ERC2: variants seen among roughly 807,000 people sequenced by gnomAD.
ERC2 encodes ERC protein 2.
ERC2 carries 42 observed loss-of-function variants against 114.8 expected under a neutral mutation model. That is an observed-to-expected ratio of 0.37 (90% confidence interval 0.29 to 0.47). The LOEUF (loss-of-function observed/expected upper bound fraction) is 0.47. Among genes scored for constraint, ERC2 ranks in the 20% least tolerant of loss-of-function variants. ERC2 has a pLI of 0.99. For synonymous variants in ERC2, 454 were observed against 425.5 expected, an observed-to-expected ratio of 1.07 and a Z score of -0.82; for missense variants, 939 against 1,150.7, an observed-to-expected ratio of 0.82 and a Z score of 2.66.
chr3:56,195,492 C>CGT lies in ERC2; in HGVS notation c.1075-21974_1075-21973dup, dbSNP rs1280567714. On this transcript the variant is annotated intron_variant, in intron 3 of 17. Coordinates refer to ENST00000288221, the MANE Select transcript of ERC2 (RefSeq NM_015576.3). Reference sequence around the variant, plus strand: ...ATGTTTAGGGATGTGTTTGTGTGTGCGTGTGTGCGTGTGTGTGTGTGTGTG... The same window carrying CGT: ...ATGTTTAGGGATGTGTTTGTGTGTGCGTGTGTGTGCGTGTGTGTGTGTGTGTG... Among the ~76,000 whole-genome samples the CGT allele has an allele frequency of 1.7e-3, 102 of 60,616 alleles. 1 individual carries two copies. In the Admixed American group the frequency reaches 0.023, roughly 14 times the overall value. The allele number at this position is 60,616 out of a possible 152,430, so 39.8% of individuals were successfully genotyped here. A position where few individuals can be genotyped will look rare whatever the true frequency, so the allele number is the denominator to read the frequency against.
intron 6 of ERC2, among the ~76,000 whole-genome samples, chr3:56,092,351 T>A (rs1302393893): frequency 6.6e-6 from 1 of 152,132 alleles, no homozygotes; most frequent in Non-Finnish European, 1.5e-5. Flanking sequence ...CACATGTGAG[T>A]TAATAATTCA....
intron 6 of ERC2, among the ~76,000 whole-genome samples, chr3:56,088,329 C>G (rs529893855): frequency 6.6e-6 from 1 of 152,098 alleles, no homozygotes; most frequent in African/African-American, 2.4e-5. Flanking sequence ...GCAAAATAGG[C>G]ACCTTAAAAC....
At chr3:55,550,354 A>G (rs938416706) in intron 17 of ERC2, among the ~76,000 whole-genome samples, 2 of 152,128 alleles carry the variant, frequency 1.3e-5, no homozygotes, top group African/African-American at 2.4e-5. Flanking sequence ...ACTTAGTTCC[A>G]TCTCTTTCAC....
rs191159326 is a variant in ERC2 at position 55,752,177 on chromosome 3, C to T, written c.2565-17259G>A. Among the ~76,000 whole-genome samples, 741 of 152,278 alleles carry T rather than the reference C, an allele frequency of 4.9e-3. 6 individuals are homozygous for T. The highest frequency in any genetic ancestry group is 8.0e-3 in the Non-Finnish European group (542 of 68,032). ...TCAATCAGTTATGGCCTGATTTCCC[C>T]ATCACTAGAAACACACCCTAAATAA... On this transcript the variant is annotated intron_variant, in intron 14 of 17. Transcript: ENST00000288221.
At chr3:56,453,308 A>G (rs963044456) in intron 1 of ERC2, among the ~76,000 whole-genome samples, 1 of 152,202 alleles carries the variant, frequency 6.6e-6, no homozygotes, top group African/African-American at 2.4e-5. Context: ...CTTCTCTACC[A>G]TGAAGATAGG....
intron 15 of ERC2, among the ~76,000 whole-genome samples, chr3:55,724,143 C>A (rs2121012): frequency 3.3e-5 from 5 of 152,214 alleles, no homozygotes; most frequent in Admixed American, 6.5e-5. Flanking sequence ...GCCAACATTT[C>A]TTGCAAGAAA....
At chr3:56,187,515 C>A (rs948629882) in intron 3 of ERC2, among the ~76,000 whole-genome samples, 2 of 152,014 alleles carry the variant, frequency 1.3e-5, no homozygotes, top group Admixed American at 1.3e-4. Flanking sequence ...CTTGTTTTGT[C>A]CCCAGATGAG....
chr3:55,972,863 A>AT (rs912528493), intron 12 of ERC2, among the ~76,000 whole-genome samples: 4 of 152,204 alleles, frequency 2.6e-5, no homozygotes, highest in African/African-American at 7.2e-5. Flanking sequence ...AGAAAGGGCC[A>AT]TTTAGGCAAT....
At chr3:55,992,644 C>T (rs991520766) in intron 10 of ERC2, among the ~76,000 whole-genome samples, 1 of 152,042 alleles carries the variant, frequency 6.6e-6, no homozygotes, top group African/African-American at 2.4e-5. Flanking sequence ...CTTCCATTTC[C>T]AATACAAAGA....
chr3:56,227,194 C>T (rs1168214560), intron 3 of ERC2, among the ~76,000 whole-genome samples: 2 of 152,094 alleles, frequency 1.3e-5, no homozygotes, highest in African/African-American at 4.8e-5. Context: ...ATGTTAAATA[C>T]AGATACAGTG....
chr3:56,211,849 G>T (rs1394459981), intron 3 of ERC2, among the ~76,000 whole-genome samples: 1 of 152,118 alleles, frequency 6.6e-6, no homozygotes, highest in Non-Finnish European at 1.5e-5. Context: ...CACAAAGTGG[G>T]GAAAGAACAC....
intron 2 of ERC2, among the ~76,000 whole-genome samples, chr3:56,327,133 G>A (rs938545974): frequency 6.6e-6 from 1 of 152,156 alleles, no homozygotes; most frequent in Non-Finnish European, 1.5e-5. Flanking sequence ...TCCATTTTCA[G>A]ACTGCTGTAA....
Position 55,734,795 on chromosome 3 carries a change from T to A in ERC2, c.2688A>T (p.Arg896=). The change falls in exon 15 of 18, where the codon CGA becomes CGT. Residue 896 remains arginine (R), a synonymous_variant. Coordinates refer to ENST00000288221, the MANE Select transcript of ERC2 (RefSeq NM_015576.3). ...CCTGCTGCTTTAATTGATGTACTAG[T>A]CGGTCTTTTTCCCGCTTGAGGGCCA... ...EVMALKREKD[R]LVHQLKQQTQ... 1 of 1,612,896 alleles carries A rather than the reference T, an allele frequency of 6.2e-7. No homozygotes were observed. The highest frequency in any genetic ancestry group is 8.5e-7 in the Non-Finnish European group (1 of 1,179,396).
chr3:56,242,329 G>A (rs1174053280), intron 3 of ERC2, among the ~76,000 whole-genome samples: 5 of 152,028 alleles, frequency 3.3e-5, no homozygotes, highest in South Asian at 4.1e-4. Flanking sequence ...GATGGAAGGC[G>A]GAAGAGATAA....
At chr3:56,356,698 C>A (rs1313304380) in intron 2 of ERC2, among the ~76,000 whole-genome samples, 1 of 152,126 alleles carries the variant, frequency 6.6e-6, no homozygotes, top group African/African-American at 2.4e-5. Flanking sequence ...CCAAGTGAAC[C>A]TCCTCTAAGA....
chr3:56,282,945 A>G (rs1000631759), intron 3 of ERC2, among the ~76,000 whole-genome samples: 1 of 152,242 alleles, frequency 6.6e-6, no homozygotes, highest in Non-Finnish European at 1.5e-5. Flanking sequence ...ACAGCCTAGA[A>G]AAAGAAGAAA....
intron 7 of ERC2, among the ~76,000 whole-genome samples, chr3:56,029,806 T>C (rs1373527927): frequency 1.3e-5 from 2 of 152,118 alleles, no homozygotes; most frequent in Non-Finnish European, 2.9e-5. Context: ...GTTGTTTCTA[T>C]ATTTTCGATT....
chr3:55,610,084 A>AC (rs397733452), intron 17 of ERC2, among the ~76,000 whole-genome samples: 5 of 149,478 alleles, frequency 3.3e-5, no homozygotes, highest in East Asian at 3.9e-4. Context: ...AAAAAAAAAA[A>AC]CAAGAATTCC....
chr3:55,627,305 A>T (rs1411702662), intron 17 of ERC2, among the ~76,000 whole-genome samples: 2 of 152,010 alleles, frequency 1.3e-5, no homozygotes, highest in Non-Finnish European at 2.9e-5. Flanking sequence ...CCATCTCTAC[A>T]AAAATACAAA....
Sources: allele counts gnomAD v4.1 joint callset (sites outside exome capture counted in the v4.1 genomes callset), GRCh38; gene constraint gnomAD v4.1.1; transcripts MANE v1.5; gene names NCBI Gene and HGNC (gene_info 2026-07-23, HGNC 2026-07-21).